Variants in NUP210L observed in about 807,000 individuals in gnomAD.
The protein encoded by NUP210L is nuclear pore membrane glycoprotein 210-like.
A neutral mutation model predicts 208.5 loss-of-function variants in NUP210L; 74 were observed. That is an observed-to-expected ratio of 0.35 (90% CI 0.29 to 0.43). The LOEUF (loss-of-function observed/expected upper bound fraction) is 0.43, where lower values mean the gene tolerates loss of function less well. Ranked by LOEUF, NUP210L falls within the 20% of genes least tolerant of loss-of-function variation. NUP210L has a pLI of 1.00. For missense variants in NUP210L, 1,843 were observed against 2,289.4 expected (o/e 0.81, Z 3.98); for synonymous variants, 780 against 816.9 (o/e 0.95, Z 0.77).
chr1:154,149,678 C>T (rs553062462), intron 2 of NUP210L, among the ~76,000 whole-genome samples: 1 of 152,176 alleles, frequency 6.6e-6, no homozygotes, highest in East Asian at 1.9e-4. Context: ...CACTGAACTC[C>T]AGCCTGGGTG....
chr1:154,035,206 G>C (rs990942120), intron 27 of NUP210L, among the ~76,000 whole-genome samples: 4 of 151,692 alleles, frequency 2.6e-5, no homozygotes, highest in Admixed American at 6.6e-5. Context: ...CTGTCTAAAG[G>C]TTTGTCAATT....
At chr1:154,022,621 A>C (rs1168989219) in intron 31 of NUP210L, among the ~76,000 whole-genome samples, 1 of 151,658 alleles carries the variant, frequency 6.6e-6, no homozygotes, top group Non-Finnish European at 1.5e-5. Flanking sequence ...GACAGATTTA[A>C]GATATCCTGC....
intron 33 of NUP210L, 103 bp from the exon 34 acceptor site, chr1:154,012,473 C>T (rs1190837912): frequency 2.7e-6 from 3 of 1,092,814 alleles, no homozygotes; most frequent in African/African-American, 1.6e-5. Flanking sequence ...ATCTGTTTCA[C>T]ACAAGTACAG....
chr1:154,110,192 G>A (rs1320375089), intron 12 of NUP210L, among the ~76,000 whole-genome samples: 2 of 148,244 alleles, frequency 1.3e-5, no homozygotes, highest in Non-Finnish European at 3.0e-5. Context: ...CCAAGATCAC[G>A]CCACTGCACT....
chr1:153,998,288 C>T (rs1184549613), intron 37 of NUP210L, among the ~76,000 whole-genome samples: 1 of 152,126 alleles, frequency 6.6e-6, no homozygotes, highest in Non-Finnish European at 1.5e-5. Context: ...GGCGCAGTAA[C>T]TTACGCCTGT....
At chr1:154,118,585 T>C (rs1168142814) in intron 11 of NUP210L, 86 bp downstream of exon 11, 1 of 1,005,416 alleles carries the variant, frequency 9.9e-7, no homozygotes, top group African/African-American at 1.6e-5. Context: ...TGGGAGGAAA[T>C]AAATGTAACA....
At chr1:154,045,812 A>G (rs12754353) in intron 27 of NUP210L, among the ~76,000 whole-genome samples, 2 of 151,964 alleles carry the variant, frequency 1.3e-5, no homozygotes, top group Admixed American at 6.6e-5. Flanking sequence ...CAAAAACCCC[A>G]TCTCAACAAA....
chr1:154,154,185 C>T (rs1444397802), intron 1 of NUP210L, among the ~76,000 whole-genome samples: 1 of 152,198 alleles, frequency 6.6e-6, no homozygotes. Flanking sequence ...ATCTCATCTC[C>T]ACCCACGATA....
intron 2 of NUP210L, among the ~76,000 whole-genome samples, chr1:154,145,541 C>A (rs1325869277): frequency 2.6e-5 from 4 of 152,078 alleles, no homozygotes; most frequent in Non-Finnish European, 4.4e-5. Flanking sequence ...AAATGGCATG[C>A]TTCCTTTCAA....
chr1:154,119,515 G>T (rs566762976), intron 10 of NUP210L, among the ~76,000 whole-genome samples: 64 of 152,226 alleles, frequency 4.2e-4, no homozygotes, highest in African/African-American at 1.4e-3. Flanking sequence ...TTGAACTTGG[G>T]AGGCGGAGGT....
intron 38 of NUP210L, among the ~76,000 whole-genome samples, chr1:153,993,744 A>G (rs1329350133): frequency 6.6e-6 from 1 of 151,896 alleles, no homozygotes; most frequent in Non-Finnish European, 1.5e-5. Flanking sequence ...ACTAAAAATA[A>G]AAAATTAGAC....
In NUP210L at chr1:154,126,402, T is replaced by C. The variant is rs1295193809; in HGVS notation, c.1247A>G (p.Asn416Ser). ...GGCTTTTACTATATGGTAAGATCCA[T>C]TCACGGTAGTTAGTTGCTCTTCAAA... Residue 416 changes from asparagine to serine, a missense_variant, in exon 10 of 40, where the codon AAT becomes AGT. Physicochemically the swap from Asn to Ser is conservative, Grantham distance 46. Transcript: ENST00000368559. 4 of 1,613,204 alleles carry C rather than the reference T, an allele frequency of 2.5e-6. No homozygotes were observed. The African/African-American group carries it at 5.3e-5, about 22-fold the overall frequency.
In NUP210L at chr1:154,035,619, G is replaced by A. The variant is rs551489775; in HGVS notation, c.3697-5565C>T. On this transcript the variant is annotated intron_variant, in intron 27 of 39. Coordinates refer to ENST00000368559, the Ensembl canonical transcript of NUP210L. ...TCACCATGTTGGCCACACTGGTCTC[G>A]AACTCCTGACTTCAAGTGATCTGCC... Among the ~76,000 whole-genome samples the A allele has an allele frequency of 2.5e-3, 379 of 151,944 alleles. 1 individual carries two copies. Among genetic ancestry groups the A allele is most frequent in the African/African-American group, 8.2e-3 (338 of 41,454 alleles).
chr1:154,151,103 AT>A (rs1166488754), intron 2 of NUP210L, among the ~76,000 whole-genome samples: 2 of 152,028 alleles, frequency 1.3e-5, no homozygotes, highest in Non-Finnish European at 2.9e-5. Context: ...ACTTCTGTGA[AT>A]TTTTTTATAT....
chr1:154,049,892 G>A (rs1000117765), intron 25 of NUP210L, among the ~76,000 whole-genome samples: 2 of 152,108 alleles, frequency 1.3e-5, no homozygotes, highest in African/African-American at 2.4e-5. Context: ...CCTGCTAAGC[G>A]TTTTCATCGG....
At chr1:154,140,997 GAAAA>G (rs57099838) in intron 4 of NUP210L, among the ~76,000 whole-genome samples, 16 of 63,046 alleles carry the variant, frequency 2.5e-4, no homozygotes, top group South Asian at 8.9e-4. Flanking sequence ...CCATCTCGAA[GAAAA>G]AAAAAAAAAA....
At chr1:154,094,827 A>G (rs917225376) in intron 15 of NUP210L, 108 bp downstream of exon 15, 3 of 767,004 alleles carry the variant, frequency 3.9e-6, no homozygotes, top group East Asian at 5.4e-5. Context: ...GAATTTTCCT[A>G]TTTAGTCCAT....
chr1:154,109,100 C>G (rs1656916891), intron 12 of NUP210L, among the ~76,000 whole-genome samples: 1 of 151,356 alleles, frequency 6.6e-6, no homozygotes, highest in Admixed American at 6.6e-5. Context: ...AACTCCATCT[C>G]AAAAACAAAA....
In NUP210L at chr1:154,029,893, T is replaced by C. The variant is rs768116229; in HGVS notation, c.3855+3A>G. 5.6e-6 allele frequency: 9 copies of C among 1,599,882 alleles called. No individual in the cohort carries two copies. The South Asian group carries it at 1.0e-4, about 18-fold the overall frequency. Reference sequence around the variant, plus strand: ...AAAATAAGATTTAGATTTGGAAGCTTACCAGGATCTGTACTTCATCAGAGA... The same window carrying C: ...AAAATAAGATTTAGATTTGGAAGCTCACCAGGATCTGTACTTCATCAGAGA... On this transcript the variant is annotated splice_donor_region_variant and intron_variant, in intron 28 of 39. Coordinates refer to ENST00000368559, the Ensembl canonical transcript of NUP210L.
Sources: gnomAD v4.1 joint callset for allele counts (sites outside exome capture counted in the v4.1 genomes callset) on GRCh38, gnomAD v4.1.1 for gene constraint, MANE v1.5 for transcripts, NCBI Gene and HGNC (gene_info 2026-07-23, HGNC 2026-07-21) for gene names.